PHLDB2: variants seen among roughly 807,000 people sequenced by gnomAD.
PHLDB2 encodes the protein pleckstrin homology-like domain family B member 2.
PHLDB2 carries 71 observed loss-of-function variants against 123.6 expected under a neutral mutation model. The ratio of observed to expected loss-of-function variants is 0.57; its 90% confidence interval spans 0.47 to 0.70. The LOEUF is 0.70. Ranked by LOEUF, PHLDB2 falls within the 30% of genes least tolerant of loss-of-function variation. The pLI is 0.00. For synonymous variants in PHLDB2, 547 were observed against 541.6 expected (o/e 1.01, Z -0.14); for missense variants, 1,446 against 1,519.5 (o/e 0.95, Z 0.80).
chr3:111,803,089 A>G (rs933321226), intron 1 of PHLDB2, among the ~76,000 whole-genome samples: 10 of 152,218 alleles, frequency 6.6e-5, no homozygotes, highest in Admixed American at 5.2e-4. Flanking sequence ...AATGATCTAT[A>G]TGTTCATAGT....
rs1051439052 is a variant in PHLDB2, at chr3:111,884,407, T to C, written c.330T>C (p.Pro110=). ...ATATTCCTATGAAACCTCCAACTCC[T>C]TTACTCAACACTACATCCTCCCTCA... is the stretch of plus-strand genomic sequence containing the variant. ...DKNIPMKPPT[P]LLNTTSSLSG... Residue 110 remains proline (P), a synonymous_variant, in exon 2 of 18, where the codon CCT becomes CCC. Transcript: ENST00000431670. 2 of 1,613,982 alleles carry C rather than the reference T, an allele frequency of 1.2e-6. No individual in the cohort carries two copies. The highest frequency in any genetic ancestry group is 3.3e-5 in the Admixed American group (2 of 59,982).
chr3:111,845,759 G>A, intron 1 of PHLDB2: 1 of 1,573,786 alleles, frequency 6.4e-7, no homozygotes, highest in Non-Finnish European at 8.7e-7. Flanking sequence ...TGTTGACCTT[G>A]AGTTTTCAGA....
intron 6 of PHLDB2, among the ~76,000 whole-genome samples, chr3:111,933,956 T>G (rs1439828439): frequency 6.6e-6 from 1 of 152,220 alleles, no homozygotes; most frequent in Non-Finnish European, 1.5e-5. Context: ...ATTTATAGAC[T>G]CTATTCACAA....
intron 5 of PHLDB2, among the ~76,000 whole-genome samples, chr3:111,930,334 A>G (rs1043864290): frequency 7.9e-5 from 12 of 152,158 alleles, no homozygotes; most frequent in African/African-American, 2.7e-4. Context: ...ATCAAATATC[A>G]TATCAGTGTT....
intron 6 of PHLDB2, among the ~76,000 whole-genome samples, chr3:111,936,912 A>G (rs540363404): frequency 1.2e-4 from 18 of 152,244 alleles, no homozygotes; most frequent in African/African-American, 4.3e-4. Flanking sequence ...AAAACAGAAG[A>G]TATTGTTTTA....
At chr3:111,834,674 G>A (rs1464198899) in intron 1 of PHLDB2, among the ~76,000 whole-genome samples, 1 of 151,680 alleles carries the variant, frequency 6.6e-6, no homozygotes, top group Non-Finnish European at 1.5e-5. Context: ...TGAATCATAG[G>A]GGATCCTTTA....
At chr3:111,736,008 C>A (rs1241509999) in intron 1 of PHLDB2, among the ~76,000 whole-genome samples, 1 of 152,116 alleles carries the variant, frequency 6.6e-6, no homozygotes, top group Non-Finnish European at 1.5e-5. Flanking sequence ...TTGATCAGAT[C>A]CTTAGAGTAT....
Position 111,919,274 on chromosome 3 carries a change from A to G in PHLDB2, c.1863+59A>G, listed in dbSNP as rs1026736045. 6.4e-6 allele frequency: 10 copies of G among 1,573,516 alleles called. No individual in the cohort carries two copies. In the African/African-American group the frequency reaches 6.8e-5, roughly 11 times the overall value. ...TTTCCTTCAGCTTAAAAATATTGCT[A>G]CTTATTCAGGAATAGGCTTTGGAGG... On this transcript the variant is annotated intron_variant, in intron 4 of 17. Coordinates refer to ENST00000431670, the MANE Select transcript of PHLDB2 (RefSeq NM_001134438.2).
intron 2 of PHLDB2, among the ~76,000 whole-genome samples, chr3:111,907,323 A>G (rs1370623848): frequency 6.6e-6 from 1 of 152,230 alleles, no homozygotes; most frequent in East Asian, 1.9e-4. Flanking sequence ...GATTAGCCAA[A>G]GAAAGACACA....
intron 2 of PHLDB2, among the ~76,000 whole-genome samples, chr3:111,893,009 G>A (rs1434567754): frequency 2.0e-5 from 3 of 152,236 alleles, no homozygotes; most frequent in East Asian, 1.9e-4. Context: ...ACTAGTGAGC[G>A]TTGTCAGGTC....
chr3:111,954,307 TAGAA>T (rs1440027731), intron 12 of PHLDB2, among the ~76,000 whole-genome samples: 1 of 152,118 alleles, frequency 6.6e-6, no homozygotes, highest in African/African-American at 2.4e-5. Flanking sequence ...ATTCGATTAA[TAGAA>T]AGAAAAGAGA....
At chr3:111,857,644 C>A (rs958036236), upstream of PHLDB2, among the ~76,000 whole-genome samples, 4 of 151,996 alleles carry the variant, frequency 2.6e-5, no homozygotes, top group South Asian at 8.3e-4. Flanking sequence ...GGCAAAAACT[C>A]AGGACAGGGA....
chr3:111,899,763 A>G (rs938495481), intron 2 of PHLDB2, among the ~76,000 whole-genome samples: 11 of 152,190 alleles, frequency 7.2e-5, no homozygotes, highest in African/African-American at 2.7e-4. Context: ...TTCTTCCAAT[A>G]TAAAGCTGTT....
At chr3:111,954,075 A>G (rs1324461019) in intron 12 of PHLDB2, 46 bp downstream of exon 12, 2 of 1,538,506 alleles carry the variant, frequency 1.3e-6, no homozygotes, top group Non-Finnish European at 1.8e-6. Context: ...GTTAAGCATT[A>G]GAATTCTTCA....
chr3:111,863,813 G>C (rs1329834360), intron 1 of PHLDB2, among the ~76,000 whole-genome samples: 1 of 152,192 alleles, frequency 6.6e-6, no homozygotes, highest in Non-Finnish European at 1.5e-5. Flanking sequence ...TTTATAGAAA[G>C]GAGTTACCTT....
intron 1 of PHLDB2, among the ~76,000 whole-genome samples, chr3:111,772,213 T>C (rs1576553324): frequency 6.6e-6 from 1 of 152,200 alleles, no homozygotes; most frequent in Admixed American, 6.5e-5. Context: ...TGTCTTTTTC[T>C]TACTGTTACT....
chr3:111,838,100 A>G (rs947388906), intron 1 of PHLDB2, among the ~76,000 whole-genome samples: 2 of 152,124 alleles, frequency 1.3e-5, no homozygotes, highest in African/African-American at 4.8e-5. Context: ...CTACCAACAC[A>G]GATTCTGATT....
chr3:111,925,663 C>G (rs1467436675), intron 5 of PHLDB2, among the ~76,000 whole-genome samples: 1 of 152,180 alleles, frequency 6.6e-6, no homozygotes, highest in African/African-American at 2.4e-5. Flanking sequence ...AGTAGGGAAA[C>G]CGCTAGCACC....
chr3:111,882,116 C>T (rs1054453039), intron 1 of PHLDB2, among the ~76,000 whole-genome samples: 5 of 152,186 alleles, frequency 3.3e-5, no homozygotes, highest in African/African-American at 1.2e-4. Context: ...AATGATTGTA[C>T]AATATTCTCT....
Sources: gnomAD v4.1 joint callset for allele counts (sites outside exome capture counted in the v4.1 genomes callset) on GRCh38, gnomAD v4.1.1 for gene constraint, MANE v1.5 for transcripts, NCBI Gene and HGNC (gene_info 2026-07-23, HGNC 2026-07-21) for gene names.